Variants in BAIAP2L2 observed in about 807,000 individuals in gnomAD.
BAIAP2L2 encodes BAR/IMD domain-containing adapter protein 2-like 2.
In BAIAP2L2, 65 loss-of-function variants were observed where a neutral mutation model predicts 60.4. The observed-to-expected ratio is 1.08, with a 90% CI of 0.88 to 1.32. The LOEUF (loss-of-function observed/expected upper bound fraction) is 1.32, where lower values mean the gene tolerates loss of function less well. BAIAP2L2 is among the 40% of genes most tolerant of loss of function. The probability of loss-of-function intolerance (pLI) is 0.00; values close to 1 mark genes in which losing one functional copy is unlikely to be tolerated. For missense variants in BAIAP2L2, 836 were observed against 741.2 expected, an observed-to-expected ratio of 1.13 and a Z score of -1.48; for synonymous variants, 344 against 301.7, an observed-to-expected ratio of 1.14 and a Z score of -1.45.
chr22:38,097,806 G>GT (rs2086473523), intron 6 of BAIAP2L2, among the ~76,000 whole-genome samples: 1 of 152,152 alleles, frequency 6.6e-6, no homozygotes, highest in Non-Finnish European at 1.5e-5. Flanking sequence ...GGTGGGATGG[G>GT]TTTGCAGGAG....
Position 38,088,733 on chromosome 22 carries a change from A to G in BAIAP2L2, c.1118+15T>C, listed in dbSNP as rs1286090046. 7.9e-7 allele frequency: 1 copy of G among 1,269,304 alleles called. No individual in the cohort carries two copies. The highest frequency in any genetic ancestry group is 1.2e-5 in the South Asian group (1 of 81,594). The allele number at this position is 1,269,304 out of a possible 1,614,324, so 78.6% of individuals were successfully genotyped here. On this transcript the variant is annotated intron_variant, in intron 10 of 13. Transcript: ENST00000381669. ...TTCTCAACCCACCCCCGGCCCCTCC[A>G]AGGCTCCCACTCACGCGGACGAGCC...
Position 38,087,167 on chromosome 22 carries a change from A to ACATGGAGGT in BAIAP2L2, c.1207_1215dup (p.Thr403_Met405dup), listed in dbSNP as rs200930717. Reference sequence around the variant, plus strand: ...CCGGGGTTCATGGGTGTCATGGGGGACATGGAGGTCATGGAGGTCATGGGG... The same window carrying ACATGGAGGT: ...CCGGGGTTCATGGGTGTCATGGGGGACATGGAGGTCATGGAGGTCATGGAGGTCATGGGG... On this transcript the variant is annotated inframe_insertion, in exon 11 of 14. Coordinates refer to ENST00000381669, the MANE Select transcript of BAIAP2L2 (RefSeq NM_025045.6). 0.086 allele frequency: 83,534 copies of ACATGGAGGT among 972,876 alleles called. 2,589 individuals carry two copies. Among genetic ancestry groups the ACATGGAGGT allele is most frequent in the Middle Eastern group, 0.15 (610 of 4,014 alleles). 60.3% of individuals were successfully genotyped at this position (972,876 alleles called of 1,614,324 possible).
rs922072207 is a variant in BAIAP2L2, at chr22:38,088,274, C to T, written c.1118+474G>A. On this transcript the variant is annotated intron_variant, in intron 10 of 13. Coordinates refer to ENST00000381669, the MANE Select transcript of BAIAP2L2 (RefSeq NM_025045.6). ...CCTCACTGTATGAAACTCCCCAAATCCTCCTCCACGTCAAGTGTCAAAACA... is the reference window on the plus strand; with the variant it reads ...CCTCACTGTATGAAACTCCCCAAATTCTCCTCCACGTCAAGTGTCAAAACA... Among the ~76,000 whole-genome samples, 5 of 152,218 alleles carry T rather than the reference C, an allele frequency of 3.3e-5. No homozygotes were observed. The East Asian group carries it at 9.6e-4, about 29-fold the overall frequency.
intron 7 of BAIAP2L2, 79 bp from the exon 8 acceptor site, chr22:38,089,753 C>T: frequency 8.4e-7 from 1 of 1,192,716 alleles, no homozygotes; most frequent in Non-Finnish European, 1.0e-6. Context: ...ACACCCTCGA[C>T]CTGAGAGCTC....
intron 4 of BAIAP2L2, among the ~76,000 whole-genome samples, chr22:38,105,755 C>T (rs1404290348): frequency 6.6e-5 from 10 of 152,132 alleles, no homozygotes; most frequent in African/African-American, 2.4e-4. Context: ...TGTTACGTAT[C>T]GATTCACTTA....
At chr22:38,094,785 C>G (rs1394283014) in intron 7 of BAIAP2L2, among the ~76,000 whole-genome samples, 4 of 151,690 alleles carry the variant, frequency 2.6e-5, no homozygotes, top group Non-Finnish European at 5.9e-5. Flanking sequence ...GTCATGTATC[C>G]CTGGGCCCGT....
chr22:38,085,622 T>G (rs764461772), intron 13 of BAIAP2L2, 64 bp downstream of exon 13: 1 of 1,554,826 alleles, frequency 6.4e-7, no homozygotes, highest in Non-Finnish European at 8.9e-7. Context: ...TAGCTGGGAC[T>G]ACAAGTGTGT....
At chr22:38,098,030 T>C (rs1254829100) in intron 6 of BAIAP2L2, 33 bp downstream of exon 6, 22 of 849,378 alleles carry the variant, frequency 2.6e-5, no homozygotes, top group East Asian at 1.3e-4. Flanking sequence ...CACCCGCCCT[T>C]CCTGGCCCAC....
At chr22:38,108,130 G>T in intron 3 of BAIAP2L2, 125 bp downstream of exon 3, 1 of 1,055,032 alleles carries the variant, frequency 9.5e-7, no homozygotes, top group Non-Finnish European at 1.4e-6. Context: ...CTGGGCCCCA[G>T]AACAAGAGTC....
chr22:38,100,433 G>A (rs1162876174), intron 4 of BAIAP2L2, among the ~76,000 whole-genome samples: 1 of 152,126 alleles, frequency 6.6e-6, no homozygotes, highest in African/African-American at 2.4e-5. Flanking sequence ...GGCTGAGGCA[G>A]GAGAATCGCT....
At chr22:38,100,179 G>A (rs943832517) in intron 4 of BAIAP2L2, among the ~76,000 whole-genome samples, 4 of 152,096 alleles carry the variant, frequency 2.6e-5, no homozygotes, top group African/African-American at 7.2e-5. Context: ...CTGAGGGGCC[G>A]CTTTCCGCTG....
chr22:38,086,906 G>A (rs1214775046), intron 11 of BAIAP2L2, among the ~76,000 whole-genome samples: 1 of 149,342 alleles, frequency 6.7e-6, no homozygotes, highest in Non-Finnish European at 1.5e-5. Context: ...TCAGGCAGGA[G>A]AATCGCTTGA....
intron 7 of BAIAP2L2, among the ~76,000 whole-genome samples, chr22:38,095,676 G>T (rs2086411756): frequency 6.6e-6 from 1 of 152,066 alleles, no homozygotes; most frequent in African/African-American, 2.4e-5. Context: ...AATTTTTGTG[G>T]AAAGCTTTAA....
intron 7 of BAIAP2L2, chr22:38,093,833 A>G (rs1602008132): frequency 8.9e-6 from 4 of 448,780 alleles, no homozygotes; most frequent in African/African-American, 6.0e-5. Context: ...TGGCCCCACA[A>G]TTCTACTCTT....
At chr22:38,090,299 C>G (rs924821705) in intron 7 of BAIAP2L2, 1 of 151,486 alleles carries the variant, frequency 6.6e-6, no homozygotes, top group African/African-American at 2.4e-5. Flanking sequence ...TTAGTAGAGA[C>G]GGGGTTTCAC....
At chr22:38,105,545 G>T (rs2086649412) in intron 4 of BAIAP2L2, among the ~76,000 whole-genome samples, 1 of 151,990 alleles carries the variant, frequency 6.6e-6, no homozygotes, top group Non-Finnish European at 1.5e-5. Flanking sequence ...GTTTCACCAT[G>T]TTGGCCAGGT....
intron 9 of BAIAP2L2, 66 bp from the exon 10 acceptor site, chr22:38,089,030 T>G: frequency 7.0e-7 from 1 of 1,423,632 alleles, no homozygotes; most frequent in Non-Finnish European, 9.2e-7. Flanking sequence ...CCTCGATCCC[T>G]CCTGCTGCAG....
At chr22:38,087,961 G>C (rs1290858638) in intron 10 of BAIAP2L2, among the ~76,000 whole-genome samples, 1 of 146,116 alleles carries the variant, frequency 6.8e-6, no homozygotes, top group East Asian at 2.0e-4. Flanking sequence ...CACATCCCCT[G>C]GTCCACCCAT....
rs1038870576 is a variant in BAIAP2L2, at chr22:38,097,166, G to A, written c.478C>T (p.Arg160Trp). ...AAGGCCTGCATCTGTGCGTGCAGCC[G>A]GTTCACACTCTCCTGGGGGGGAACG... ...NVREMKESVN[R>W]LHAQMQAFVS... The change falls in exon 7 of 14, where the codon CGG becomes TGG. Residue 160 changes from arginine (R) to tryptophan (W), a missense_variant. Arg to Trp is a moderately radical substitution (Grantham distance 101). Transcript: ENST00000381669. 2 of 1,613,416 alleles carry A rather than the reference G, an allele frequency of 1.2e-6. No homozygotes were observed. Among genetic ancestry groups the A allele is most frequent in the African/African-American group, 1.3e-5 (1 of 74,822 alleles).
Sources: gnomAD v4.1 joint callset for allele counts (sites outside exome capture counted in the v4.1 genomes callset) on GRCh38, gnomAD v4.1.1 for gene constraint, MANE v1.5 for transcripts, NCBI Gene and HGNC (gene_info 2026-07-23, HGNC 2026-07-21) for gene names.